Variants in MAD1L1 observed in about 807,000 individuals in gnomAD.
The protein encoded by MAD1L1 is mitotic spindle assembly checkpoint protein MAD1.
MAD1L1 carries 95 observed loss-of-function variants against 96.9 expected under a neutral mutation model. That is an observed-to-expected ratio of 0.98 (90% CI 0.83 to 1.16). The LOEUF (loss-of-function observed/expected upper bound fraction) is 1.16, where lower values mean the gene tolerates loss of function less well. Ranked by LOEUF, MAD1L1 falls within the 50% of genes most tolerant of loss-of-function variation. The pLI, the probability that MAD1L1 is intolerant of heterozygous loss-of-function variation, is 0.00. For synonymous variants in MAD1L1, 473 were observed against 396.6 expected (o/e 1.19, Z -2.29); for missense variants, 1,007 against 954.4 (o/e 1.06, Z -0.73).
chr7:2,198,781 G>A (rs78998829), intron 10 of MAD1L1, among the ~76,000 whole-genome samples: 7,025 of 152,254 alleles, frequency 0.046, 565 homozygotes, highest in African/African-American at 0.16. Context: ...GTTAAAGCAG[G>A]TGCCCATGTA....
At chr7:2,064,447 T>C (rs1784792537) in intron 12 of MAD1L1, among the ~76,000 whole-genome samples, 1 of 152,246 alleles carries the variant, frequency 6.6e-6, no homozygotes, top group African/African-American at 2.4e-5. Context: ...GAAGCGGCTC[T>C]GGCCCCTGTA....
chr7:2,164,596 G>C lies in MAD1L1; in HGVS notation c.987-15358C>G, dbSNP rs1454851216. Among the ~76,000 whole-genome samples, 643 of 126,016 alleles carry C rather than the reference G, an allele frequency of 5.1e-3. 2 individuals are homozygous for C. The highest frequency in any genetic ancestry group is 8.3e-3 in the Non-Finnish European group (498 of 60,268). The allele number at this position is 126,016 out of a possible 152,430, so 82.7% of individuals were successfully genotyped here. A position where few individuals can be genotyped will look rare whatever the true frequency, so the allele number is the denominator to read the frequency against. On this transcript the variant is annotated intron_variant, in intron 10 of 18. Coordinates refer to ENST00000265854, the MANE Select transcript of MAD1L1 (RefSeq NM_001013836.2). ...CCACACTAAGAAGCAGGAAAAATGG[G>C]GGGGGGGGGGGTTGCGGGTGGTAGA...
intron 16 of MAD1L1, among the ~76,000 whole-genome samples, chr7:1,941,071 A>C (rs993539379): frequency 1.4e-5 from 1 of 70,760 alleles, no homozygotes; most frequent in South Asian, 3.1e-4. Flanking sequence ...GGAGGTAGTG[A>C]CCATCCTAGA....
chr7:2,092,537 G>C (rs562588048), intron 11 of MAD1L1, among the ~76,000 whole-genome samples: 102 of 150,548 alleles, frequency 6.8e-4, no homozygotes, highest in African/African-American at 2.5e-3. Flanking sequence ...CGGTGACTGT[G>C]TTTTCAACCA....
chr7:2,141,740 T>C (rs1789044534), intron 11 of MAD1L1, among the ~76,000 whole-genome samples: 1 of 152,140 alleles, frequency 6.6e-6, no homozygotes, highest in African/African-American at 2.4e-5. Context: ...AGCGGGCGGC[T>C]GCACATGCCA....
chr7:1,938,901 G>GCACACACACA lies in MAD1L1; in HGVS notation c.1597-2005_1597-2004insTGTGTGTGTG, dbSNP rs1491147111. On this transcript the variant is annotated intron_variant, in intron 16 of 18. Coordinates refer to ENST00000265854, the MANE Select transcript of MAD1L1 (RefSeq NM_001013836.2). ...ACAGTCCAGGGCCGGGGCCAGAGGC[G>GCACACACACA]CGCACACACACACACACACACACAC... Among the ~76,000 whole-genome samples, 18 of 61,280 alleles carry GCACACACACA rather than the reference G, an allele frequency of 2.9e-4. 2 individuals are homozygous for GCACACACACA. The highest frequency in any genetic ancestry group is 1.3e-3 in the African/African-American group (13 of 10,294). 40.2% of individuals were successfully genotyped at this position (61,280 alleles called of 152,430 possible). A position where few individuals can be genotyped will look rare whatever the true frequency, so the allele number is the denominator to read the frequency against.
intron 12 of MAD1L1, among the ~76,000 whole-genome samples, chr7:2,032,444 G>C (rs915562914): frequency 3.6e-4 from 55 of 152,242 alleles, no homozygotes; most frequent in African/African-American, 1.3e-3. Context: ...CCGGGCAGCA[G>C]TGACCCCACG....
Position 2,142,940 on chromosome 7 carries a change from C to T in MAD1L1, c.1073+6212G>A, listed in dbSNP as rs981371286. Among the ~76,000 whole-genome samples the T allele has an allele frequency of 2.6e-5, 4 of 152,320 alleles. No individual in the cohort carries two copies. Among genetic ancestry groups the T allele is most frequent in the East Asian group, 1.9e-4 (1 of 5,178 alleles). ...TCCCAGATGCCCCCACCGCCTAACC[C>T]GTCTGATCATCACCACTGGCCACAC... On this transcript the variant is annotated intron_variant, in intron 11 of 18. Transcript: ENST00000265854. This position sits in a 1 kb window ranked among gnomAD's most constrained non-coding sequence, Gnocchi z 4.7.
intron 18 of MAD1L1, among the ~76,000 whole-genome samples, chr7:1,865,984 C>A (rs536337472): frequency 1.3e-5 from 2 of 152,244 alleles, no homozygotes; most frequent in African/African-American, 2.4e-5. Flanking sequence ...AGCCGTGATG[C>A]GCCCCAGGGG....
At chr7:2,071,046 GA>G (rs1785101643) in intron 11 of MAD1L1, among the ~76,000 whole-genome samples, 1 of 151,768 alleles carries the variant, frequency 6.6e-6, no homozygotes, top group Non-Finnish European at 1.5e-5. Context: ...GTGGTTTGGG[GA>G]AGGGAAAGCT....
intron 18 of MAD1L1, among the ~76,000 whole-genome samples, chr7:1,869,598 G>T (rs762978599): frequency 2.0e-5 from 3 of 152,120 alleles, no homozygotes; most frequent in African/African-American, 4.8e-5. Context: ...TGACAAAACG[G>T]AACATAACCA....
At chr7:1,938,871 C>T (rs1417710323) in intron 16 of MAD1L1, among the ~76,000 whole-genome samples, 2 of 117,098 alleles carry the variant, frequency 1.7e-5, no homozygotes, top group African/African-American at 3.2e-5. Flanking sequence ...CACACACACA[C>T]GGACACAGTC....
intron 17 of MAD1L1, among the ~76,000 whole-genome samples, chr7:1,901,363 C>T (rs1296892636): frequency 3.3e-5 from 5 of 152,234 alleles, no homozygotes; most frequent in Non-Finnish European, 2.9e-5. Flanking sequence ...GCCCGGGGTT[C>T]CTCTGGACTG....
chr7:1,926,806 T>C (rs1263190757), intron 17 of MAD1L1, among the ~76,000 whole-genome samples: 1 of 152,202 alleles, frequency 6.6e-6, no homozygotes, highest in African/African-American at 2.4e-5. Context: ...CTGCTCTCCC[T>C]GCAAGGTGAG....
chr7:2,110,780 G>A (rs1002662296), intron 11 of MAD1L1, among the ~76,000 whole-genome samples: 1 of 152,144 alleles, frequency 6.6e-6, no homozygotes, highest in Non-Finnish European at 1.5e-5. Flanking sequence ...CCCCAGTGCG[G>A]TCCGAGCAGG....
At chr7:1,875,264 C>T (rs1157378747) in intron 18 of MAD1L1, among the ~76,000 whole-genome samples, 1 of 152,206 alleles carries the variant, frequency 6.6e-6, no homozygotes. Flanking sequence ...CTGTGCACAC[C>T]GAGGCCAGCT....
intron 11 of MAD1L1, among the ~76,000 whole-genome samples, chr7:2,134,523 G>A (rs1039118343): frequency 6.6e-6 from 1 of 152,208 alleles, no homozygotes; most frequent in Admixed American, 6.5e-5. Flanking sequence ...TAGGAGTGGT[G>A]AGTGGGACTC....
intron 18 of MAD1L1, among the ~76,000 whole-genome samples, chr7:1,829,080 A>G (rs748613438): frequency 1.2e-4 from 19 of 152,226 alleles, no homozygotes; most frequent in Non-Finnish European, 2.5e-4. Context: ...AAAGACAGAC[A>G]TAAAGGAGGC....
At chr7:2,080,750 C>T (rs1235481488) in intron 11 of MAD1L1, among the ~76,000 whole-genome samples, 1 of 152,190 alleles carries the variant, frequency 6.6e-6, no homozygotes, top group African/African-American at 2.4e-5. Context: ...GCCAGATTTT[C>T]CCAATGAAGA....
Sources: gnomAD v4.1 joint callset for allele counts (sites outside exome capture counted in the v4.1 genomes callset) on GRCh38, gnomAD v4.1.1 for gene constraint, Gnocchi (gnomAD v3.1) non-coding constraint, MANE v1.5 for transcripts, NCBI Gene and HGNC (gene_info 2026-07-23, HGNC 2026-07-21) for gene names.